DLG4: variants seen among roughly 807,000 people sequenced by gnomAD.
DLG4 encodes disks large homolog 4.
Under a neutral mutation model 93.8 loss-of-function variants are expected in DLG4, and 7 were observed. The observed-to-expected ratio is 0.07, with a 90% CI of 0.04 to 0.14. The LOEUF is 0.14. Among genes scored for constraint, DLG4 ranks in the 10% least tolerant of loss-of-function variants. The pLI is 1.00. For synonymous variants in DLG4, 341 were observed against 387.6 expected, an observed-to-expected ratio of 0.88 and a Z score of 1.41; for missense variants, 545 against 992.9, an observed-to-expected ratio of 0.55 and a Z score of 6.06.
Position 7,196,939 on chromosome 17 carries a change from G to A in DLG4, c.901C>T (p.Leu301=). Residue 301 remains leucine, a synonymous_variant, in exon 9 of 20, where the codon CTG becomes TTG. Transcript: ENST00000399506. This position sits in a 1 kb window ranked among gnomAD's most constrained non-coding sequence, Gnocchi z 8.3. ...PRRYSPVAKD[L]LGEEDIPREP... is the part of the protein sequence containing the mutation. Reference sequence around the variant, plus strand: ...CGGGGAATGTCTTCCTCCCCGAGCAGGTCCTTGGCCACTGGAGAGTAGCGC... The same window carrying A: ...CGGGGAATGTCTTCCTCCCCGAGCAAGTCCTTGGCCACTGGAGAGTAGCGC... 1 of 1,613,876 alleles carries A rather than the reference G, an allele frequency of 6.2e-7. No individual in the cohort carries two copies. Among genetic ancestry groups the A allele is most frequent in the Non-Finnish European group, 8.5e-7 (1 of 1,179,852 alleles).
chr17:7,188,070 CAA>C lies in DLG4; in HGVS notation c.*2636_*2637del, dbSNP rs35409465. Among the ~76,000 whole-genome samples, 84,647 of 138,040 alleles carry C rather than the reference CAA, an allele frequency of 0.61. 25,991 individuals are homozygous for C. Among genetic ancestry groups the C allele is most frequent in the Middle Eastern group, 0.71 (184 of 260 alleles). 90.6% of individuals were successfully genotyped at this position (138,040 alleles called of 152,430 possible). ...GGGCAACAAAAGTGAAACTCGACCTCAAAAAAAAAAAAAAAAAAATCCTCTGA... is the reference window on the plus strand; with the variant it reads ...GGGCAACAAAAGTGAAACTCGACCTCAAAAAAAAAAAAAAAAATCCTCTGA... On this transcript the variant is annotated 3_prime_UTR_variant, in exon 20 of 20. Coordinates refer to ENST00000399506, the MANE Select transcript of DLG4 (RefSeq NM_001321075.3).
upstream of DLG4, chr17:7,219,840 TCCCAGCA>T (rs2071094555): frequency 2.6e-6 from 4 of 1,537,864 alleles, no homozygotes; most frequent in Non-Finnish European, 3.5e-6. Context: ...GAACTACAGC[TCCCAGCA>T]TGCCCCGGGG....
At chr17:7,212,113 T>A (rs1244169884) in intron 1 of DLG4, among the ~76,000 whole-genome samples, 1 of 151,860 alleles carries the variant, frequency 6.6e-6, no homozygotes, top group Admixed American at 6.6e-5. Flanking sequence ...GGACATCTCG[T>A]CACTACTGGC....
chr17:7,193,106 G>A lies in DLG4; in HGVS notation c.1705C>T (p.Pro569Ser), dbSNP rs2069587279. ...FGSCVPHTTR[P>S]KREYEIDGRD... The stretch of plus-strand genomic sequence containing the variant: ...CCATCTATCTCATACTCCCGCTTGG[G>A]CCGTGTCGTATCTGCCAGGAAGTCA... The change falls in exon 17 of 20, where the codon CCC (proline) becomes TCC (serine). Residue 569 changes from proline (P) to serine (S), a missense_variant. Physicochemically the swap from Pro to Ser is moderately conservative, Grantham distance 74. Coordinates refer to ENST00000399506, the MANE Select transcript of DLG4 (RefSeq NM_001321075.3). This position sits in a 1 kb window ranked among gnomAD's most constrained non-coding sequence, Gnocchi z 6.7. 6.2e-7 allele frequency: 1 copy of A among 1,613,578 alleles called. No homozygotes were observed. Among genetic ancestry groups the A allele is most frequent in the African/African-American group, 1.3e-5 (1 of 74,878 alleles).
Position 7,203,119 on chromosome 17 carries a change from T to C in DLG4, c.643-72A>G. 1.3e-6 allele frequency: 2 copies of C among 1,572,078 alleles called. No homozygotes were observed. Among genetic ancestry groups the C allele is most frequent in the Non-Finnish European group, 1.7e-6 (2 of 1,151,470 alleles). On this transcript the variant is annotated intron_variant, in intron 7 of 19. Coordinates refer to ENST00000399506, the MANE Select transcript of DLG4 (RefSeq NM_001321075.3). This position sits in a 1 kb window ranked among gnomAD's most constrained non-coding sequence, Gnocchi z 7.2. ...AGACAGAAGCACTGGGGTGAAGTGA[T>C]GAACTTGGGCCTGCCAGGGCTAGTA...
In DLG4 at chr17:7,194,312, G is replaced by C. The variant is rs1284024914; in HGVS notation, c.1478+7C>G. 1 of 1,600,692 alleles carries C rather than the reference G, an allele frequency of 6.2e-7. No individual in the cohort carries two copies. The highest frequency in any genetic ancestry group is 1.7e-5 in the Admixed American group (1 of 58,210). ...GGCAGGAAGGCTACAGAGCCCAGGA[G>C]CCTCACCGCCGTTTGCTGGGGATGA... On this transcript the variant is annotated splice_region_variant and intron_variant, in intron 12 of 19. Coordinates refer to ENST00000399506, the MANE Select transcript of DLG4 (RefSeq NM_001321075.3). This position sits in a 1 kb window ranked among gnomAD's most constrained non-coding sequence, Gnocchi z 4.4.
In DLG4 at chr17:7,193,675, T is replaced by C; in HGVS notation, c.1583A>G (p.Gln528Arg). 1 of 1,551,370 alleles carries C rather than the reference T, an allele frequency of 6.4e-7. No homozygotes were observed. ...CAGGGGCCAGGGCTCACCTTCCATC[T>C]GCGTCACTGTCTCGTAGCTCAGAAC... ...DSVLSYETVT[Q>R]MEVHYARPII... Residue 528 changes from glutamine to arginine, a missense_variant, in exon 15 of 20, where the codon CAG (glutamine) becomes CGG (arginine). Transcript: ENST00000399506. The surrounding 1 kb of genome is among the most constrained non-coding windows in gnomAD (Gnocchi z 6.7).
rs1351722908 is a variant in DLG4 at position 7,189,209 on chromosome 17, A to C, written c.*1499T>G. Among the ~76,000 whole-genome samples, 2 of 151,426 alleles carry C rather than the reference A, an allele frequency of 1.3e-5. No homozygotes were observed. Among genetic ancestry groups the C allele is most frequent in the Admixed American group, 6.6e-5 (1 of 15,226 alleles). ...GCAGAACTCTGTAAAGATCATTTCC[A>C]GGCCAGGCGCGGTGGCTCACGCCTG... On this transcript the variant is annotated 3_prime_UTR_variant, in exon 20 of 20. Transcript: ENST00000399506.
chr17:7,210,975 T>A (rs1361535079), intron 1 of DLG4, among the ~76,000 whole-genome samples: 1 of 151,716 alleles, frequency 6.6e-6, no homozygotes. Flanking sequence ...AAGAAAAGGC[T>A]CCTCAGGATT....
At chr17:7,219,913 C>CCAGAACGTGGGCGTG, upstream of DLG4, 1 of 677,066 alleles carries the variant, frequency 1.5e-6, no homozygotes, top group Non-Finnish European at 2.1e-6. Context: ...GTTAGGGGCG[C>CCAGAACGTGGGCGTG]CAGGACGTGG....
upstream of DLG4, chr17:7,218,329 A>G (rs1399964113): frequency 6.4e-7 from 1 of 1,572,698 alleles, no homozygotes; most frequent in Non-Finnish European, 8.7e-7. Flanking sequence ...AGGCCTCTCC[A>G]GGCACATCAC....
In DLG4 at chr17:7,188,413, A is replaced by G. The variant is rs951127131; in HGVS notation, c.*2295T>C. Among the ~76,000 whole-genome samples, 2 of 152,156 alleles carry G rather than the reference A, an allele frequency of 1.3e-5. No homozygotes were observed. Among genetic ancestry groups the G allele is most frequent in the African/African-American group, 2.4e-5 (1 of 41,440 alleles). On this transcript the variant is annotated 3_prime_UTR_variant, in exon 20 of 20. Transcript: ENST00000399506. ...TTGCACTGTTTGGGATTTAACCACC[A>G]TAACTCTTAGGGCCCTCTGCCTCAG...
chr17:7,191,520 C>T lies in DLG4; in HGVS notation c.1977-162G>A. ...TGGGGCCACAGATGAGAACCACCCC[C>T]CACCCCCCTGCCACCCGCAACCGCC... On this transcript the variant is annotated intron_variant, in intron 18 of 19. Coordinates refer to ENST00000399506, the MANE Select transcript of DLG4 (RefSeq NM_001321075.3). The surrounding 1 kb of genome is among the most constrained non-coding windows in gnomAD (Gnocchi z 6.6). The T allele has an allele frequency of 4.5e-6, 3 of 670,286 alleles. No homozygotes were observed. In the South Asian group the frequency reaches 5.5e-5, roughly 12 times the overall value. 41.5% of individuals were successfully genotyped at this position (670,286 alleles called of 1,614,324 possible).
At chr17:7,198,636 T>TCAG (rs1401851372) in intron 8 of DLG4, among the ~76,000 whole-genome samples, 2 of 150,480 alleles carry the variant, frequency 1.3e-5, no homozygotes, top group Admixed American at 1.3e-4. Context: ...GATCACAAGG[T>TCAG]CAGGAGTTCA....
At chr17:7,219,535 A>C, upstream of DLG4, 1 of 1,073,396 alleles carries the variant, frequency 9.3e-7, no homozygotes, top group African/African-American at 1.7e-5. Context: ...GCCGAGATAG[A>C]TTTCATCAGG....
At chr17:7,192,860 G>C in intron 17 of DLG4, 85 bp downstream of exon 17, 2 of 1,416,914 alleles carry the variant, frequency 1.4e-6, no homozygotes, top group Non-Finnish European at 1.9e-6. Context: ...GAGACAGAGA[G>C]AGAGAGAGTT....
Position 7,191,300 on chromosome 17 carries a change from T to G in DLG4, c.2035A>C (p.Lys679Gln). The G allele has an allele frequency of 6.2e-7, 1 of 1,613,960 alleles. No homozygotes were observed. The highest frequency in any genetic ancestry group is 8.5e-7 in the Non-Finnish European group (1 of 1,179,858). Reference protein sequence around the residue: ...QARKAFDRATKLEQEFTECFS... With the variant: ...QARKAFDRATQLEQEFTECFS... ...CACTCTGTGAACTCCTGCTCCAGCT[T>G]GGTGGCTCTGTCGAAGGCTTTGCGG... The change falls in exon 19 of 20, where the codon AAG becomes CAG. Residue 679 changes from lysine (K) to glutamine (Q), a missense_variant. Physicochemically the swap from Lys to Gln is moderately conservative, Grantham distance 53. Transcript: ENST00000399506. The surrounding 1 kb of genome is among the most constrained non-coding windows in gnomAD (Gnocchi z 6.6).
chr17:7,211,948 T>G (rs2070734050), intron 1 of DLG4, among the ~76,000 whole-genome samples: 1 of 151,750 alleles, frequency 6.6e-6, no homozygotes, highest in Non-Finnish European at 1.5e-5. Flanking sequence ...TGAACTTCAC[T>G]TTCCACAGTA....
upstream of DLG4, chr17:7,218,763 G>A: frequency 6.3e-7 from 1 of 1,598,766 alleles, no homozygotes; most frequent in Non-Finnish European, 8.6e-7. Context: ...TTGGGGAGAA[G>A]GATCTCCGAG....
Sources: allele counts gnomAD v4.1 joint callset (sites outside exome capture counted in the v4.1 genomes callset), GRCh38; gene constraint gnomAD v4.1.1; non-coding constraint Gnocchi (gnomAD v3.1); transcripts MANE v1.5; gene names NCBI Gene and HGNC (gene_info 2026-07-23, HGNC 2026-07-21).